ASPM: variants seen among roughly 807,000 people sequenced by gnomAD.
The protein encoded by ASPM is abnormal spindle-like microcephaly-associated protein.
ASPM carries 256 observed loss-of-function variants against 366.4 expected under a neutral mutation model. The observed-to-expected ratio is 0.70, with a 90% CI of 0.63 to 0.77. The LOEUF (loss-of-function observed/expected upper bound fraction) is 0.77, where lower values mean the gene tolerates loss of function less well. ASPM is among the 30% of genes least tolerant of loss of function. The pLI, the probability that ASPM is intolerant of heterozygous loss-of-function variation, is 0.00. For missense variants in ASPM, 4,146 were observed against 4,090.4 expected, an observed-to-expected ratio of 1.01 and a Z score of -0.37; for synonymous variants, 1,414 against 1,342.9, an observed-to-expected ratio of 1.05 and a Z score of -1.16.
Position 197,102,176 on chromosome 1 carries a change from G to T in ASPM, c.7075C>A (p.Gln2359Lys). 1 of 1,612,790 alleles carries T rather than the reference G, an allele frequency of 6.2e-7. No individual in the cohort carries two copies. Among genetic ancestry groups the T allele is most frequent in the Non-Finnish European group, 8.5e-7 (1 of 1,179,274 alleles). ...TGCTGTTGGATCACAACGGAGGCCT[G>T]TTTCAAAGCCTGATATCTCATATGT... is the stretch of plus-strand genomic sequence containing the variant. ...RLHMRYQALK[Q>K]ASVVIQQQYQ... The change falls in exon 18 of 28, where the codon CAG becomes AAG. Residue 2359 changes from glutamine to lysine, a missense_variant. Gln to Lys is a moderately conservative substitution (Grantham distance 53, BLOSUM62 1). Coordinates refer to ENST00000367409, the MANE Select transcript of ASPM (RefSeq NM_018136.5).
intron 18 of ASPM, among the ~76,000 whole-genome samples, chr1:197,099,674 C>T (rs1204933730): frequency 1.3e-5 from 2 of 151,702 alleles, no homozygotes; most frequent in East Asian, 1.9e-4. Flanking sequence ...ACACCCACTA[C>T]AGCATTTGGC....
chr1:197,098,129 C>T (rs1346744076), intron 18 of ASPM, among the ~76,000 whole-genome samples: 1 of 149,868 alleles, frequency 6.7e-6, no homozygotes, highest in African/African-American at 2.4e-5. Flanking sequence ...TATCAAGAAA[C>T]CAAGGGTTGA....
At chr1:197,119,608 A>T (rs921393938) in intron 16 of ASPM, among the ~76,000 whole-genome samples, 3 of 55,028 alleles carry the variant, frequency 5.5e-5, no homozygotes, top group Non-Finnish European at 2.1e-4. Context: ...ACTGATGATA[A>T]AAGTTTCCAT....
Position 197,102,535 on chromosome 1 carries a change from AGTTT to A in ASPM, c.6712_6715del (p.Lys2238Ter). The A allele has an allele frequency of 6.2e-7, 1 of 1,612,474 alleles. No individual in the cohort carries two copies. Among genetic ancestry groups the A allele is most frequent in the South Asian group, 1.1e-5 (1 of 91,032 alleles). On this transcript the variant is annotated frameshift_variant, in exon 18 of 28. Coordinates refer to ENST00000367409, the MANE Select transcript of ASPM (RefSeq NM_018136.5). LOFTEE classifies it high-confidence loss of function. ...CTGAATGTATATTACAGAATGCCTC[AGTTT>A]GTTATACCTTTGAAATTGTATGTTT...
chr1:197,103,552 G>C lies in ASPM; in HGVS notation c.5699C>G (p.Ala1900Gly), dbSNP rs1343725451. Residue 1900 changes from alanine (A) to glycine (G), a missense_variant, in exon 18 of 28, where the codon GCT becomes GGT. Physicochemically the swap from Ala to Gly is moderately conservative, Grantham distance 60 (BLOSUM62 0). This residue lies in a region of ASPM where 3,624 missense variants were observed against 3,591.7 expected (regional missense o/e 1.01). Transcript: ENST00000367409. ...VRKQIRREHQ[A>G]ALKIQSAFRM... The stretch of plus-strand genomic sequence containing the variant: ...AAAAGCAGACTGAATCTTCAAGGCA[G>C]CTTGATGTTCCCTTCTAATCTGTTT... 1 of 1,613,084 alleles carries C rather than the reference G, an allele frequency of 6.2e-7. No individual in the cohort carries two copies. The highest frequency in any genetic ancestry group is 8.5e-7 in the Non-Finnish European group (1 of 1,179,510).
chr1:197,135,913 A>G (rs1450777935), intron 4 of ASPM, among the ~76,000 whole-genome samples: 2 of 152,014 alleles, frequency 1.3e-5, no homozygotes, highest in African/African-American at 4.8e-5. Context: ...AGATCACACC[A>G]CTGCACTCCA....
chr1:197,105,295 A>C lies in ASPM; in HGVS notation c.4066-110T>G, dbSNP rs943907497. ...TTCTGCTTAAAAATAAACACATTGA[A>C]TTAGAAAACTAATTATTTTTGTGAG... On this transcript the variant is annotated intron_variant, in intron 17 of 27. Coordinates refer to ENST00000367409, the MANE Select transcript of ASPM (RefSeq NM_018136.5). The C allele has an allele frequency of 7.4e-5, 63 of 848,446 alleles. No homozygotes were observed. The African/African-American group carries it at 1.0e-3, about 13-fold the overall frequency. 52.6% of individuals were successfully genotyped at this position (848,446 alleles called of 1,614,324 possible).
At chr1:197,084,636 C>T (rs909098384) in intron 27 of ASPM, among the ~76,000 whole-genome samples, 1 of 152,080 alleles carries the variant, frequency 6.6e-6, no homozygotes, top group Non-Finnish European at 1.5e-5. Context: ...ATGCTGGCTT[C>T]TTTGAAGCTT....
intron 27 of ASPM, 54 bp downstream of exon 27, chr1:197,086,749 T>A: frequency 7.0e-7 from 1 of 1,430,826 alleles, no homozygotes; most frequent in Non-Finnish European, 9.9e-7. Flanking sequence ...AAATATTTGT[T>A]AAATGAATGA....
intron 17 of ASPM, among the ~76,000 whole-genome samples, chr1:197,112,350 G>A (rs1052876860): frequency 1.3e-5 from 2 of 152,084 alleles, no homozygotes; most frequent in African/African-American, 4.8e-5. Flanking sequence ...ACACAGTGGG[G>A]CCTATTGGAG....
At chr1:197,128,752 T>A in intron 9 of ASPM, 87 bp from the exon 10 acceptor site, 2 of 1,033,252 alleles carry the variant, frequency 1.9e-6, no homozygotes, top group East Asian at 2.7e-5. Flanking sequence ...ATTCTGTACA[T>A]ATAAAAATAA....
chr1:197,084,541 C>CGTTT (rs1656529440), intron 27 of ASPM, 115 bp from the exon 28 acceptor site: 1 of 710,312 alleles, frequency 1.4e-6, no homozygotes, highest in Admixed American at 2.2e-5. Context: ...ATTTCCCTTA[C>CGTTT]AAACTGCTCA....
In ASPM at chr1:197,129,224, T is replaced by C; in HGVS notation, c.2723A>G (p.His908Arg). The part of the protein sequence containing the change: ...DYAKISRLID[H>R]DPCLFCKDAE... Reference sequence around the variant, plus strand: ...ATCTTTACAGAAGAGACAAGGATCATGATCAATGAGTCTGGAAATTTTAGC... The same window carrying C: ...ATCTTTACAGAAGAGACAAGGATCACGATCAATGAGTCTGGAAATTTTAGC... Residue 908 changes from histidine to arginine, a missense_variant, in exon 9 of 28, where the codon CAT becomes CGT. Transcript: ENST00000367409. The C allele has an allele frequency of 6.2e-7, 1 of 1,612,712 alleles. No individual in the cohort carries two copies. The highest frequency in any genetic ancestry group is 8.5e-7 in the Non-Finnish European group (1 of 1,178,890).
At chr1:197,099,884 T>A (rs1558327476) in intron 18 of ASPM, among the ~76,000 whole-genome samples, 3 of 151,624 alleles carry the variant, frequency 2.0e-5, no homozygotes, top group Admixed American at 6.6e-5. Flanking sequence ...ACTTTATCAC[T>A]TCCTTCATAT....
At position 197,102,340 on chromosome 1, in the gene ASPM, T is replaced by C. The variant is rs1657219739; in HGVS notation, c.6911A>G (p.His2304Arg). The C allele has an allele frequency of 1.2e-6, 2 of 1,612,670 alleles. No homozygotes were observed. Among genetic ancestry groups the C allele is most frequent in the East Asian group, 2.2e-5 (1 of 44,828 alleles). The change falls in exon 18 of 28, where the codon CAT (histidine) becomes CGT (arginine). Residue 2304 changes from histidine (H) to arginine (R), a missense_variant. By Grantham distance (29) the His-to-Arg change is conservative (BLOSUM62 0). This residue lies in a region of ASPM where 3,624 missense variants were observed against 3,591.7 expected (regional missense o/e 1.01). Transcript: ENST00000367409. ...RKYRAHLCTK[H>R]HLQFLQVQNA... ...TTGTACCTGAAGGAACTGTAAGTGA[T>C]GCTTTGTACAAAGATGTGCCCGATA...
In ASPM at chr1:197,093,072, C is replaced by T. The variant is rs767387811; in HGVS notation, c.9274G>A (p.Gly3092Ser). Residue 3092 changes from glycine to serine, a missense_variant, in exon 21 of 28, where the codon GGT becomes AGT. Gly to Ser is a moderately conservative substitution (Grantham distance 56). This residue lies in a region of ASPM where 3,624 missense variants were observed against 3,591.7 expected (regional missense o/e 1.01). Transcript: ENST00000367409. ...STVILQALVRGWLVRKRFLEQ... is the reference protein window; with the variant it reads ...STVILQALVRSWLVRKRFLEQ... Reference sequence around the variant, plus strand: ...CTTACTCTTTTTCGTACTAGCCAACCACGCACCAGTGCTTGTAGGATAACT... The same window carrying T: ...CTTACTCTTTTTCGTACTAGCCAACTACGCACCAGTGCTTGTAGGATAACT... 6.2e-7 allele frequency: 1 copy of T among 1,610,910 alleles called. No individual in the cohort carries two copies. The highest frequency in any genetic ancestry group is 8.5e-7 in the Non-Finnish European group (1 of 1,177,846).
intron 4 of ASPM, among the ~76,000 whole-genome samples, chr1:197,137,621 CA>C (rs1438411604): frequency 6.6e-6 from 1 of 152,124 alleles, no homozygotes; most frequent in Non-Finnish European, 1.5e-5. Flanking sequence ...GCAGGGACTA[CA>C]GGTGCACACC....
intron 10 of ASPM, among the ~76,000 whole-genome samples, chr1:197,128,163 CAAAAA>C (rs76055388): frequency 8.4e-6 from 1 of 119,594 alleles, no homozygotes; most frequent in African/African-American, 3.1e-5. Flanking sequence ...GACTCCGTCT[CAAAAA>C]AAAAAAAAAG....
In ASPM at chr1:197,093,036, A is replaced by T; in HGVS notation, c.9294+16T>A. On this transcript the variant is annotated intron_variant, in intron 21 of 27. Coordinates refer to ENST00000367409, the MANE Select transcript of ASPM (RefSeq NM_018136.5). ...TCATTTTATAAGAATGAGATATGCT[A>T]CTTGAAAATACTTACTCTTTTTCGT... The T allele has an allele frequency of 1.3e-6, 2 of 1,572,794 alleles. No homozygotes were observed. Among genetic ancestry groups the T allele is most frequent in the Non-Finnish European group, 1.7e-6 (2 of 1,144,306 alleles).
Sources: allele counts gnomAD v4.1 joint callset (sites outside exome capture counted in the v4.1 genomes callset), GRCh38; gene constraint gnomAD v4.1.1; regional missense constraint gnomAD v4.1.1; transcripts MANE v1.5; gene names NCBI Gene and HGNC (gene_info 2026-07-23, HGNC 2026-07-21).